Variants in PCDH9 observed in about 807,000 individuals in gnomAD.
PCDH9 encodes protocadherin-9.
A neutral mutation model predicts 70.6 loss-of-function variants in PCDH9; 24 were observed. The observed-to-expected ratio is 0.34, with a 90% CI of 0.25 to 0.48. The LOEUF (loss-of-function observed/expected upper bound fraction) is 0.48. PCDH9 is among the 20% of genes least tolerant of loss of function. The probability of loss-of-function intolerance (pLI) is 0.99; values close to 1 mark genes in which losing one functional copy is unlikely to be tolerated. For missense variants in PCDH9, 1,281 were observed against 1,503.6 expected (o/e 0.85, Z 2.45); for synonymous variants, 562 against 558.5 (o/e 1.01, Z -0.09).
intron 3 of PCDH9, among the ~76,000 whole-genome samples, chr13:66,671,354 T>C (rs2078173352): frequency 6.6e-6 from 1 of 152,150 alleles, no homozygotes; most frequent in South Asian, 2.1e-4. Context: ...GAAGCGACAC[T>C]GGAACTGGGT....
At chr13:66,719,649 A>C (rs2078915938) in intron 3 of PCDH9, among the ~76,000 whole-genome samples, 1 of 152,222 alleles carries the variant, frequency 6.6e-6, no homozygotes, top group South Asian at 2.1e-4. Flanking sequence ...CAGTTTGAAC[A>C]ACAAACGTGA....
chr13:66,679,771 GAAA>G (rs1239849634), intron 3 of PCDH9, among the ~76,000 whole-genome samples: 1 of 151,706 alleles, frequency 6.6e-6, no homozygotes, highest in Non-Finnish European at 1.5e-5. Flanking sequence ...TTCCAATGTT[GAAA>G]AGAACAATTT....
chr13:66,500,426 T>C (rs1430323923), intron 4 of PCDH9, among the ~76,000 whole-genome samples: 1 of 152,156 alleles, frequency 6.6e-6, no homozygotes, highest in East Asian at 1.9e-4. Context: ...TATCAAGGAA[T>C]TGCTTTTTCT....
rs533773290 is a variant in PCDH9, at chr13:67,041,842, A to AAG, written c.3037-138238_3037-138237insCT. Among the ~76,000 whole-genome samples, 679 of 151,902 alleles carry AAG rather than the reference A, an allele frequency of 4.5e-3. 5 individuals are homozygous for AAG. Among genetic ancestry groups the AAG allele is most frequent in the Middle Eastern group, 0.01 (3 of 294 alleles). ...TGAGACTCTGTCTCAAAAAAAAAAAAAAAAAGAAAAAAGAAATACTGGCTA... is the reference window on the plus strand; with the variant it reads ...TGAGACTCTGTCTCAAAAAAAAAAAAAGAAAAAGAAAAAAGAAATACTGGCTA... On this transcript the variant is annotated intron_variant, in intron 2 of 4. Coordinates refer to ENST00000377865, the MANE Select transcript of PCDH9 (RefSeq NM_203487.3).
At chr13:66,652,226 A>C (rs1054339766) in intron 3 of PCDH9, among the ~76,000 whole-genome samples, 1 of 152,040 alleles carries the variant, frequency 6.6e-6, no homozygotes, top group Non-Finnish European at 1.5e-5. Context: ...TTGTTTGCAG[A>C]TAAAGAACCT....
chr13:66,360,027 T>C (rs909722745), intron 4 of PCDH9, among the ~76,000 whole-genome samples: 2 of 152,072 alleles, frequency 1.3e-5, no homozygotes, highest in African/African-American at 4.8e-5. Context: ...CAAAGGTGTT[T>C]TTGTCTTAAG....
chr13:66,966,368 T>C (rs909271789), intron 2 of PCDH9, among the ~76,000 whole-genome samples: 2 of 152,070 alleles, frequency 1.3e-5, no homozygotes, highest in African/African-American at 4.8e-5. Context: ...GTAGAAACTG[T>C]GGGTGATGAA....
chr13:66,770,447 A>C (rs2079789413), intron 3 of PCDH9, among the ~76,000 whole-genome samples: 1 of 152,162 alleles, frequency 6.6e-6, no homozygotes, highest in Non-Finnish European at 1.5e-5. Context: ...AGCCACCCTT[A>C]TCTCTTAAGG....
At chr13:66,855,808 T>TA (rs1790970310) in intron 3 of PCDH9, among the ~76,000 whole-genome samples, 1 of 151,970 alleles carries the variant, frequency 6.6e-6, no homozygotes, top group African/African-American at 2.4e-5. Context: ...AATTTGTTGG[T>TA]ATTTATATAT....
At chr13:67,070,047 A>G (rs920506287) in intron 2 of PCDH9, among the ~76,000 whole-genome samples, 42 of 151,352 alleles carry the variant, frequency 2.8e-4, no homozygotes, top group Admixed American at 2.6e-4. Flanking sequence ...TAGGTCATGC[A>G]GGTTAAAGTA....
At chr13:66,830,816 G>A (rs1338151452) in intron 3 of PCDH9, among the ~76,000 whole-genome samples, 1 of 152,146 alleles carries the variant, frequency 6.6e-6, no homozygotes, top group Non-Finnish European at 1.5e-5. Flanking sequence ...GGTCTAGAAA[G>A]AGAAGGAAAG....
chr13:66,339,148 A>G (rs563022587), intron 4 of PCDH9, among the ~76,000 whole-genome samples: 18 of 152,258 alleles, frequency 1.2e-4, no homozygotes, highest in Non-Finnish European at 2.2e-4. Context: ...CAGCGTGGCC[A>G]CAGTTGTAGC....
intron 3 of PCDH9, among the ~76,000 whole-genome samples, chr13:66,668,608 T>C (rs2078128731): frequency 6.6e-6 from 1 of 152,124 alleles, no homozygotes; most frequent in African/African-American, 2.4e-5. Context: ...CATAGTAAGA[T>C]GTGAAAATCT....
intron 2 of PCDH9, among the ~76,000 whole-genome samples, chr13:66,950,298 G>A (rs2083158507): frequency 6.6e-6 from 1 of 152,076 alleles, no homozygotes; most frequent in Non-Finnish European, 1.5e-5. Context: ...TTTGAATCCA[G>A]ATTCTGCCAC....
chr13:66,853,516 A>C (rs942597568), intron 3 of PCDH9, among the ~76,000 whole-genome samples: 1 of 152,084 alleles, frequency 6.6e-6, no homozygotes, highest in Admixed American at 6.6e-5. Flanking sequence ...CTAGGGATAT[A>C]TATTTTTAGC....
intron 3 of PCDH9, among the ~76,000 whole-genome samples, chr13:66,865,181 A>AT (rs2081552145): frequency 6.6e-6 from 1 of 152,164 alleles, no homozygotes; most frequent in African/African-American, 2.4e-5. Context: ...TTTAAAATGA[A>AT]TTTTTAGACG....
chr13:67,010,910 A>G (rs1449922408), intron 2 of PCDH9, among the ~76,000 whole-genome samples: 1 of 151,986 alleles, frequency 6.6e-6, no homozygotes, highest in Non-Finnish European at 1.5e-5. Flanking sequence ...TTTTTCTGCC[A>G]GTTACCCTTC....
chr13:67,009,394 C>T (rs2084412066), intron 2 of PCDH9, among the ~76,000 whole-genome samples: 1 of 152,062 alleles, frequency 6.6e-6, no homozygotes, highest in African/African-American at 2.4e-5. Flanking sequence ...GGGAAATTGA[C>T]ACAAAAGTTG....
intron 3 of PCDH9, among the ~76,000 whole-genome samples, chr13:66,848,614 T>C (rs2081253434): frequency 6.6e-6 from 1 of 152,114 alleles, no homozygotes; most frequent in Non-Finnish European, 1.5e-5. Flanking sequence ...TCTGGGAATA[T>C]GATTTCTAGA....
Sources: allele counts gnomAD v4.1 joint callset (sites outside exome capture counted in the v4.1 genomes callset), GRCh38; gene constraint gnomAD v4.1.1; transcripts MANE v1.5; gene names NCBI Gene and HGNC (gene_info 2026-07-23, HGNC 2026-07-21).